Variants in SCG5 observed in about 807,000 individuals in gnomAD.
SCG5 encodes neuroendocrine protein 7B2.
A neutral mutation model predicts 25.7 loss-of-function variants in SCG5; 18 were observed. That is an observed-to-expected ratio of 0.70 (90% CI 0.48 to 1.04). The LOEUF is 1.04. Ranked by LOEUF, SCG5 falls within the 50% of genes least tolerant of loss-of-function variation. The pLI, the probability that SCG5 is intolerant of heterozygous loss-of-function variation, is 0.00. For synonymous variants in SCG5, 101 were observed against 91.7 expected, an observed-to-expected ratio of 1.10 and a Z score of -0.58; for missense variants, 206 against 259.8, an observed-to-expected ratio of 0.79 and a Z score of 1.42.
chr15:32,658,791 G>C (rs1257494442), intron 2 of SCG5, among the ~76,000 whole-genome samples: 1 of 152,186 alleles, frequency 6.6e-6, no homozygotes, highest in Non-Finnish European at 1.5e-5. Context: ...ATTTCCCTTT[G>C]TATTGGTCAA....
intron 2 of SCG5, among the ~76,000 whole-genome samples, chr15:32,656,915 G>C (rs1011067274): frequency 1.3e-5 from 2 of 151,528 alleles, no homozygotes; most frequent in African/African-American, 2.4e-5. Flanking sequence ...TGGAGGCTGG[G>C]GGGGACTTGG....
intron 4 of SCG5, among the ~76,000 whole-genome samples, chr15:32,689,558 C>T (rs1466332551): frequency 6.6e-6 from 1 of 152,152 alleles, no homozygotes; most frequent in Non-Finnish European, 1.5e-5. Flanking sequence ...GAACTTGAAC[C>T]TGCTACTCAC....
At chr15:32,696,288 T>G (rs1217741583) in intron 5 of SCG5, among the ~76,000 whole-genome samples, 1 of 152,080 alleles carries the variant, frequency 6.6e-6, no homozygotes, top group Admixed American at 6.5e-5. Flanking sequence ...CGGCTAATTT[T>G]TTGTATTTTT....
intron 2 of SCG5, among the ~76,000 whole-genome samples, chr15:32,645,148 G>A (rs1011472451): frequency 5.3e-5 from 8 of 152,170 alleles, no homozygotes; most frequent in East Asian, 3.8e-4. Flanking sequence ...ATCTGTCACC[G>A]TTACTTCAAG....
At chr15:32,662,885 G>A (rs1461949160) in intron 2 of SCG5, among the ~76,000 whole-genome samples, 1 of 151,574 alleles carries the variant, frequency 6.6e-6, no homozygotes, top group Non-Finnish European at 1.5e-5. Context: ...TTAATAAGGT[G>A]GTCACAAGCG....
At chr15:32,657,733 A>G (rs2054148630) in intron 2 of SCG5, among the ~76,000 whole-genome samples, 1 of 152,172 alleles carries the variant, frequency 6.6e-6, no homozygotes, top group Non-Finnish European at 1.5e-5. Context: ...CAAATAGCCT[A>G]TCAAAATATT....
intron 4 of SCG5, among the ~76,000 whole-genome samples, chr15:32,686,822 T>A (rs534591121): frequency 6.6e-6 from 1 of 152,204 alleles, no homozygotes; most frequent in Non-Finnish European, 1.5e-5. Flanking sequence ...ACGGTTGAGA[T>A]GAATTGCATG....
chr15:32,664,658 A>G (rs1174751325), intron 2 of SCG5, among the ~76,000 whole-genome samples: 1 of 152,240 alleles, frequency 6.6e-6, no homozygotes, highest in East Asian at 1.9e-4. Flanking sequence ...CATTCACTTC[A>G]CTATAAATCC....
chr15:32,679,199 T>G (rs1372072486), intron 2 of SCG5, among the ~76,000 whole-genome samples: 2 of 151,290 alleles, frequency 1.3e-5, no homozygotes, highest in Non-Finnish European at 2.9e-5. Flanking sequence ...TGCTCTTTTT[T>G]TTTTTCTTTT....
In SCG5 at chr15:32,657,209, A is replaced by ATATACATATATATATATATG; in HGVS notation, c.226+13394_226+13395insACATATATATATATATGTAT. Among the ~76,000 whole-genome samples the ATATACATATATATATATATG allele has an allele frequency of 1.3e-4, 5 of 38,726 alleles. 1 individual carries two copies. 25.4% of individuals were successfully genotyped at this position (38,726 alleles called of 152,430 possible). A position where few individuals can be genotyped will look rare whatever the true frequency, so the allele number is the denominator to read the frequency against. On this transcript the variant is annotated intron_variant, in intron 2 of 5. Transcript: ENST00000300175. ...TTCTTTCATCCTCCTGTATATATAT[A>ATATACATATATATATATATG]TATGTATGTATTTCCAGGTGTAAGT...
At chr15:32,657,867 A>T (rs1360357454) in intron 2 of SCG5, among the ~76,000 whole-genome samples, 1 of 152,210 alleles carries the variant, frequency 6.6e-6, no homozygotes, top group Non-Finnish European at 1.5e-5. Flanking sequence ...TTTATGTAGG[A>T]TCTCCATCAG....
At chr15:32,648,857 C>T (rs925096281) in intron 2 of SCG5, among the ~76,000 whole-genome samples, 11 of 151,860 alleles carry the variant, frequency 7.2e-5, no homozygotes, top group Admixed American at 2.6e-4. Context: ...CTGCAAGCTC[C>T]GCCTCCCGGG....
At chr15:32,642,308 A>G (rs1324459271) in intron 1 of SCG5, among the ~76,000 whole-genome samples, 1 of 152,044 alleles carries the variant, frequency 6.6e-6, no homozygotes, top group Non-Finnish European at 1.5e-5. Flanking sequence ...TCACGCCTGT[A>G]ATCCTAGCGC....
intron 2 of SCG5, chr15:32,656,160 C>T (rs1049192773): frequency 1.3e-5 from 2 of 152,224 alleles, no homozygotes; most frequent in African/African-American, 2.4e-5. Flanking sequence ...TTCCTTCAGT[C>T]TGAGCTTTCT....
intron 2 of SCG5, among the ~76,000 whole-genome samples, chr15:32,649,889 C>G (rs2054006169): frequency 6.6e-6 from 1 of 152,150 alleles, no homozygotes; most frequent in Non-Finnish European, 1.5e-5. Flanking sequence ...AAGCCTAGTT[C>G]TCTCAAATAA....
chr15:32,684,126 G>A (rs2054662733), intron 3 of SCG5, among the ~76,000 whole-genome samples: 2 of 152,310 alleles, frequency 1.3e-5, no homozygotes, highest in Non-Finnish European at 2.9e-5. Flanking sequence ...AAGCTGACCA[G>A]GAGATGGGGG....
At chr15:32,689,899 T>C (rs2054813465) in intron 4 of SCG5, among the ~76,000 whole-genome samples, 1 of 150,964 alleles carries the variant, frequency 6.6e-6, no homozygotes, top group Non-Finnish European at 1.5e-5. Flanking sequence ...TGGAGTGCAG[T>C]GGCGCAATCT....
At chr15:32,655,312 A>G (rs2054098862) in intron 2 of SCG5, among the ~76,000 whole-genome samples, 1 of 147,680 alleles carries the variant, frequency 6.8e-6, no homozygotes, top group Non-Finnish European at 1.5e-5. Context: ...TGTCTGAACA[A>G]AAAAAAAAAA....
intron 2 of SCG5, among the ~76,000 whole-genome samples, chr15:32,648,744 C>G (rs1011566708): frequency 6.6e-6 from 1 of 150,750 alleles, no homozygotes; most frequent in Non-Finnish European, 1.5e-5. Flanking sequence ...CTGAGTAGCA[C>G]CCCCCTACAT....
Sources: allele counts gnomAD v4.1 joint callset (sites outside exome capture counted in the v4.1 genomes callset), GRCh38; gene constraint gnomAD v4.1.1; transcripts MANE v1.5; gene names NCBI Gene and HGNC (gene_info 2026-07-23, HGNC 2026-07-21).